Variants in GATAD2B observed in about 807,000 individuals in gnomAD.
The protein encoded by GATAD2B is GATA zinc finger domain containing 2B, also known as transcriptional repressor p66-beta.
A neutral mutation model predicts 64.3 loss-of-function variants in GATAD2B; 8 were observed. The ratio of observed to expected loss-of-function variants is 0.12; its 90% CI spans 0.07 to 0.22. GATAD2B has a LOEUF of 0.22. Among genes scored for constraint, GATAD2B ranks in the 10% least tolerant of loss-of-function variants. The pLI is 1.00. For synonymous variants in GATAD2B, 281 were observed against 271.3 expected, an observed-to-expected ratio of 1.04 and a Z score of -0.35; for missense variants, 453 against 752.0, an observed-to-expected ratio of 0.60 and a Z score of 4.65.
chr1:153,842,613 A>C (rs982079417), intron 1 of GATAD2B, among the ~76,000 whole-genome samples: 1 of 151,264 alleles, frequency 6.6e-6, no homozygotes, highest in Non-Finnish European at 1.5e-5. Context: ...TTTTCTTTCC[A>C]ATATTGTTTT....
At chr1:153,884,114 C>T (rs183717259) in intron 1 of GATAD2B, among the ~76,000 whole-genome samples, 1 of 151,648 alleles carries the variant, frequency 6.6e-6, no homozygotes, top group Admixed American at 6.6e-5. Context: ...CTGGCCAACA[C>T]GGTGAAACCC....
At chr1:153,839,176 CAGAAAA>C (rs1675386825) in intron 1 of GATAD2B, among the ~76,000 whole-genome samples, 1 of 141,932 alleles carries the variant, frequency 7.0e-6, no homozygotes, top group African/African-American at 2.7e-5. Context: ...ACAACTAGAG[CAGAAAA>C]AGAAAAATGT....
intron 1 of GATAD2B, among the ~76,000 whole-genome samples, chr1:153,840,655 A>G (rs761166771): frequency 2.9e-4 from 44 of 152,336 alleles, no homozygotes; most frequent in Non-Finnish European, 6.0e-4. Flanking sequence ...ATTCTTAAAA[A>G]AATACTTTCA....
intron 10 of GATAD2B, among the ~76,000 whole-genome samples, chr1:153,810,540 T>C (rs1313531548): frequency 5.9e-5 from 9 of 152,018 alleles, no homozygotes; most frequent in Non-Finnish European, 8.8e-5. Flanking sequence ...CGCTCACCTC[T>C]GCCTCCCAGA....
intron 1 of GATAD2B, among the ~76,000 whole-genome samples, chr1:153,855,035 TTTGA>T (rs1358862734): frequency 6.6e-6 from 1 of 152,302 alleles, no homozygotes; most frequent in Non-Finnish European, 1.5e-5. Flanking sequence ...ATGTATAATC[TTTGA>T]TTGAATCTTG....
At chr1:153,822,688 G>A (rs1000694343) in intron 2 of GATAD2B, among the ~76,000 whole-genome samples, 4 of 152,044 alleles carry the variant, frequency 2.6e-5, no homozygotes, top group Admixed American at 6.5e-5. Context: ...ATTTAGAGAC[G>A]GGGTTTCACT....
At chr1:153,840,255 G>A (rs1247566641) in intron 1 of GATAD2B, among the ~76,000 whole-genome samples, 2 of 151,566 alleles carry the variant, frequency 1.3e-5, no homozygotes, top group Non-Finnish European at 2.9e-5. Flanking sequence ...GGCTGGTCTT[G>A]AACTCCTGAC....
intron 1 of GATAD2B, among the ~76,000 whole-genome samples, chr1:153,879,286 GCTGATCT>G (rs1376628595): frequency 1.3e-5 from 2 of 151,574 alleles, no homozygotes; most frequent in African/African-American, 4.8e-5. Flanking sequence ...TGTTGGCCAG[GCTGATCT>G]CAAACTCCTG....
intron 1 of GATAD2B, among the ~76,000 whole-genome samples, chr1:153,871,898 T>C (rs1676678152): frequency 2.0e-5 from 3 of 152,150 alleles, no homozygotes; most frequent in African/African-American, 4.8e-5. Context: ...TGCAGTGAGC[T>C]GAGATCGTGT....
chr1:153,909,842 G>C (rs369026894), intron 1 of GATAD2B, among the ~76,000 whole-genome samples: 13 of 151,770 alleles, frequency 8.6e-5, no homozygotes, highest in East Asian at 3.9e-4. Context: ...CAGTTACTTG[G>C]GAGGCTGAGG....
At chr1:153,825,612 G>C (rs888937773) in intron 2 of GATAD2B, among the ~76,000 whole-genome samples, 1 of 152,082 alleles carries the variant, frequency 6.6e-6, no homozygotes, top group African/African-American at 2.4e-5. Context: ...TTTTAGTAGA[G>C]ACAAGGTTTC....
chr1:153,860,811 C>T (rs191116509), intron 1 of GATAD2B, among the ~76,000 whole-genome samples: 1 of 152,130 alleles, frequency 6.6e-6, no homozygotes, highest in Non-Finnish European at 1.5e-5. Flanking sequence ...CAGGTGCATG[C>T]TACCACACAT....
At chr1:153,906,103 C>T (rs1199199706) in intron 1 of GATAD2B, among the ~76,000 whole-genome samples, 2 of 150,262 alleles carry the variant, frequency 1.3e-5, no homozygotes, top group Non-Finnish European at 3.0e-5. Context: ...CCGCACCCCA[C>T]ACACACACAC....
At chr1:153,841,282 G>A (rs1453526077) in intron 1 of GATAD2B, among the ~76,000 whole-genome samples, 1 of 152,034 alleles carries the variant, frequency 6.6e-6, no homozygotes, top group Non-Finnish European at 1.5e-5. Flanking sequence ...CAGATCTTCA[G>A]ATTTCCCATT....
At chr1:153,849,824 G>T (rs928058956) in intron 1 of GATAD2B, among the ~76,000 whole-genome samples, 3 of 152,020 alleles carry the variant, frequency 2.0e-5, no homozygotes, top group Admixed American at 2.0e-4. Context: ...CAGAGGTTAG[G>T]TCTCACCATG....
chr1:153,835,092 GACAGACCAC>G, intron 1 of GATAD2B, among the ~76,000 whole-genome samples: 2 of 152,212 alleles, frequency 1.3e-5, no homozygotes, highest in Non-Finnish European at 2.9e-5. Context: ...CAGCTTGGGT[GACAGACCAC>G]AACTGAGTCT....
intron 1 of GATAD2B, among the ~76,000 whole-genome samples, chr1:153,866,524 C>A (rs915473284): frequency 5.3e-5 from 8 of 152,114 alleles, no homozygotes; most frequent in Non-Finnish European, 1.0e-4. Context: ...TCCAACCTGC[C>A]CTAATGCAAA....
chr1:153,878,901 C>T (rs2101937664), intron 1 of GATAD2B, among the ~76,000 whole-genome samples: 1 of 151,606 alleles, frequency 6.6e-6, no homozygotes, highest in African/African-American at 2.4e-5. Flanking sequence ...CCTCAGGCTC[C>T]CGAGTAGTTG....
intron 2 of GATAD2B, among the ~76,000 whole-genome samples, chr1:153,821,855 T>G (rs561568825): frequency 2.0e-5 from 3 of 151,782 alleles, no homozygotes; most frequent in South Asian, 4.2e-4. Context: ...CATGAGCGAC[T>G]GTGCCCGGCC....
Sources: allele counts gnomAD v4.1 joint callset (sites outside exome capture counted in the v4.1 genomes callset), GRCh38; gene constraint gnomAD v4.1.1; transcripts MANE v1.5; gene names NCBI Gene and HGNC (gene_info 2026-07-23, HGNC 2026-07-21).